The following NRXN2 variants were observed in gnomAD, a reference collection of about 807,000 sequenced individuals.
NRXN2 encodes the protein neurexin-2-beta.
Under a neutral mutation model 128.8 loss-of-function variants are expected in NRXN2, and 29 were observed. The observed-to-expected ratio is 0.23, with a 90% CI of 0.17 to 0.31. The LOEUF is 0.31. NRXN2 is among the 10% of genes least tolerant of loss of function. The pLI is 1.00. For synonymous variants in NRXN2, 1,098 were observed against 1,075.2 expected (o/e 1.02, Z -0.41); for missense variants, 1,881 against 2,452.6 (o/e 0.77, Z 4.92).
At chr11:64,668,760 A>G (rs575518839) in intron 7 of NRXN2, among the ~76,000 whole-genome samples, 156 bp from the exon 8 acceptor site, 2 of 152,298 alleles carry the variant, frequency 1.3e-5, no homozygotes, top group African/African-American at 4.8e-5. Context: ...CAGTGGGGGA[A>G]GAGAGGAAAT....
At chr11:64,643,685 C>G (rs2135424576) in intron 17 of NRXN2, among the ~76,000 whole-genome samples, 1 of 151,614 alleles carries the variant, frequency 6.6e-6, no homozygotes, top group East Asian at 2.0e-4. Context: ...CTGCGGGCGG[C>G]GCTGGGCAGC....
Position 64,607,634 on chromosome 11 carries a change from G to A in NRXN2, c.4701C>T (p.His1567=). The A allele has an allele frequency of 6.5e-7, 1 of 1,532,416 alleles. No individual in the cohort carries two copies. The highest frequency in any genetic ancestry group is 8.8e-7 in the Non-Finnish European group (1 of 1,140,912). 94.9% of individuals were successfully genotyped at this position (1,532,416 alleles called of 1,614,324 possible). ...APNLPAGKMN[H]RDPLQPLLEN... ...CCAGCAAGGGCTGAAGCGGGTCTCG[G>A]TGGTTCATTTTGCCCGCCGGCAGGT... Residue 1567 remains histidine, a synonymous_variant, in exon 23 of 23, where the codon CAC becomes CAT. Coordinates refer to ENST00000265459, the MANE Select transcript of NRXN2 (RefSeq NM_015080.4).
Position 64,623,227 on chromosome 11 carries a change from G to A in NRXN2, c.3848-149C>T. ...GGAGGGGACGGGGAGAAATGAGGAA[G>A]GGGCAGAAAGCCAAAGGGAAAGTCC... On this transcript the variant is annotated intron_variant, in intron 20 of 22. Transcript: ENST00000265459. The surrounding 1 kb of genome is among the most constrained non-coding windows in gnomAD (Gnocchi z 4.9). 2 of 1,316,234 alleles carry A rather than the reference G, an allele frequency of 1.5e-6. No individual in the cohort carries two copies. Among genetic ancestry groups the A allele is most frequent in the Non-Finnish European group, 2.0e-6 (2 of 986,450 alleles). The allele number at this position is 1,316,234 out of a possible 1,614,324, so 81.5% of individuals were successfully genotyped here.
At chr11:64,662,018 C>T (rs545999027) in intron 9 of NRXN2, among the ~76,000 whole-genome samples, 5 of 151,094 alleles carry the variant, frequency 3.3e-5, no homozygotes, top group African/African-American at 1.2e-4. Flanking sequence ...TTTGGGAGGC[C>T]GAGGCGGATG....
At chr11:64,621,730 T>C (rs2042377673) in intron 21 of NRXN2, among the ~76,000 whole-genome samples, 1 of 152,064 alleles carries the variant, frequency 6.6e-6, no homozygotes, top group South Asian at 2.1e-4. Context: ...GACAGGGCGA[T>C]GGGAAGAGAA....
At chr11:64,636,502 T>A (rs2957561) in intron 17 of NRXN2, among the ~76,000 whole-genome samples, 149,540 of 152,218 alleles carry the variant, frequency 0.98, 73,514 homozygotes, top group Middle Eastern at 1. Flanking sequence ...AAGGGAAGGG[T>A]AGAGAACAAT....
At chr11:64,696,023 G>A (rs1037655543) in intron 3 of NRXN2, among the ~76,000 whole-genome samples, 2 of 148,620 alleles carry the variant, frequency 1.3e-5, no homozygotes, top group Non-Finnish European at 3.0e-5. Context: ...CCTACAGCTT[G>A]AGGCTTGAGT....
intron 3 of NRXN2, among the ~76,000 whole-genome samples, chr11:64,693,080 G>T (rs1282236043): frequency 6.6e-6 from 1 of 151,790 alleles, no homozygotes; most frequent in Non-Finnish European, 1.5e-5. Context: ...TGAGGAGAGG[G>T]GCCCGATGCC....
chr11:64,649,224 GGCCT>G (rs2047131762), intron 15 of NRXN2, among the ~76,000 whole-genome samples: 1 of 152,116 alleles, frequency 6.6e-6, no homozygotes, highest in Non-Finnish European at 1.5e-5. Flanking sequence ...CCGTAATCAG[GGCCT>G]TTCATAGATG....
chr11:64,626,166 G>A (rs1455044468), intron 20 of NRXN2, among the ~76,000 whole-genome samples: 3 of 152,112 alleles, frequency 2.0e-5, no homozygotes, highest in Non-Finnish European at 2.9e-5. Flanking sequence ...GCTCACAGTG[G>A]GGAGCTCCCA....
At chr11:64,642,466 C>A in intron 17 of NRXN2, 1 of 1,514,976 alleles carries the variant, frequency 6.6e-7, no homozygotes, top group Non-Finnish European at 8.8e-7. Flanking sequence ...CCCGCGGGGG[C>A]CCAGCTGCGC....
In NRXN2 at chr11:64,692,674, AC is replaced by A. The variant is rs1392399540; in HGVS notation, c.778+172del. The stretch of plus-strand genomic sequence containing the variant: ...GGCAAGCCCCCACCCCCACCCCAGC[AC>A]CCCCCAAATAAAATTAAGAAATGGC... On this transcript the variant is annotated intron_variant, in intron 4 of 22. Transcript: ENST00000265459. Among the ~76,000 whole-genome samples, 4 of 139,352 alleles carry A rather than the reference AC, an allele frequency of 2.9e-5. No homozygotes were observed. In the Admixed American group the frequency reaches 2.9e-4, roughly 10 times the overall value. The allele number at this position is 139,352 out of a possible 152,430, so 91.4% of individuals were successfully genotyped here. A position where few individuals can be genotyped will look rare whatever the true frequency, so the allele number is the denominator to read the frequency against.
In NRXN2 at chr11:64,630,894, G is replaced by C. The variant is rs764703806; in HGVS notation, c.3586-321C>G. ...TGCAAGGGCCACTGGGCCCAGACAG[G>C]GGTGATCGGGCCAAGCTGGGGACCA... On this transcript the variant is annotated intron_variant, in intron 18 of 22. Coordinates refer to ENST00000265459, the MANE Select transcript of NRXN2 (RefSeq NM_015080.4). The surrounding 1 kb of genome is among the most constrained non-coding windows in gnomAD (Gnocchi z 4.6). Among the ~76,000 whole-genome samples, 1 of 152,224 alleles carries C rather than the reference G, an allele frequency of 6.6e-6. No homozygotes were observed. Among genetic ancestry groups the C allele is most frequent in the Non-Finnish European group, 1.5e-5 (1 of 68,042 alleles).
chr11:64,671,619 C>G (rs1002628519), intron 7 of NRXN2, among the ~76,000 whole-genome samples: 1 of 152,036 alleles, frequency 6.6e-6, no homozygotes, highest in East Asian at 1.9e-4. Flanking sequence ...AGAGTGAGGG[C>G]TAGACCCAGC....
intron 11 of NRXN2, among the ~76,000 whole-genome samples, chr11:64,656,385 G>A (rs117945386): frequency 0.023 from 2,072 of 89,722 alleles, 20 homozygotes; most frequent in Middle Eastern, 0.031. Flanking sequence ...CAGAACTAAC[G>A]GGAATTTCAC....
chr11:64,617,249 T>C (rs756425310), intron 22 of NRXN2, among the ~76,000 whole-genome samples: 12 of 152,062 alleles, frequency 7.9e-5, no homozygotes, highest in Non-Finnish European at 1.8e-4. Context: ...TAGGGCTGTA[T>C]GTGTGCATGC....
Position 64,660,362 on chromosome 11 carries a change from C to A in NRXN2, c.2359G>T (p.Gly787Trp), listed in dbSNP as rs1181965224. The change falls in exon 11 of 23, where the codon GGG (glycine) becomes TGG (tryptophan). Residue 787 changes from glycine (G) to tryptophan (W), a missense_variant. Coordinates refer to ENST00000265459, the MANE Select transcript of NRXN2 (RefSeq NM_015080.4). This position sits in a 1 kb window ranked among gnomAD's most constrained non-coding sequence, Gnocchi z 5.2. ...TTGACAGTGAGCTTCATCTGCCCCC[C>A]ATCCAGCTCCAGGCGTAGGGTGTCG... ...SADTLRLELD[G>W]GQMKLTVNLD... 8.7e-6 allele frequency: 14 copies of A among 1,614,032 alleles called. No individual in the cohort carries two copies. Among genetic ancestry groups the A allele is most frequent in the Non-Finnish European group, 1.2e-5 (14 of 1,180,032 alleles).
chr11:64,656,782 G>T (rs926825487), intron 11 of NRXN2, among the ~76,000 whole-genome samples: 1 of 152,126 alleles, frequency 6.6e-6, no homozygotes, highest in Admixed American at 6.5e-5. Flanking sequence ...CCCAACTCAG[G>T]GGCTGCAGAC....
At position 64,607,257 on chromosome 11, in the gene NRXN2, G is replaced by C. The variant is rs776114680; in HGVS notation, c.5078C>G (p.Pro1693Arg). 6.2e-7 allele frequency: 1 copy of C among 1,613,910 alleles called. No homozygotes were observed. Among genetic ancestry groups the C allele is most frequent in the East Asian group, 2.2e-5 (1 of 44,860 alleles). ...CTTGCTGGGCGTCTTGGGGGCAGCCGGGGCCTTCTCTTTCACCACCGCCCC... is the reference window on the plus strand; with the variant it reads ...CTTGCTGGGCGTCTTGGGGGCAGCCCGGGCCTTCTCTTTCACCACCGCCCC... ...SNGAVVKEKA[P>R]AAPKTPSKAK... The change falls in exon 23 of 23, where the codon CCG becomes CGG. Residue 1693 changes from proline (P) to arginine (R), a missense_variant. Around this residue, in one of 7 missense-constraint regions of NRXN2, gnomAD observed 63 missense variants for 76.0 expected, o/e 0.83. Coordinates refer to ENST00000265459, the MANE Select transcript of NRXN2 (RefSeq NM_015080.4).
Sources: allele counts gnomAD v4.1 joint callset (sites outside exome capture counted in the v4.1 genomes callset), GRCh38; gene constraint gnomAD v4.1.1; regional missense constraint gnomAD v4.1.1; non-coding constraint Gnocchi (gnomAD v3.1); transcripts MANE v1.5; gene names NCBI Gene and HGNC (gene_info 2026-07-23, HGNC 2026-07-21).